Variants in DDR2 observed in about 807,000 individuals in gnomAD.
The protein encoded by DDR2 is discoidin domain-containing receptor 2.
A neutral mutation model predicts 94.9 loss-of-function variants in DDR2; 27 were observed. The observed-to-expected ratio is 0.28, with a 90% CI of 0.21 to 0.39. DDR2 has a LOEUF of 0.39. Among genes scored for constraint, DDR2 ranks in the 10% least tolerant of loss-of-function variants. The pLI is 1.00. For synonymous variants in DDR2, 382 were observed against 377.2 expected (o/e 1.01, Z -0.15); for missense variants, 783 against 1,076.0 (o/e 0.73, Z 3.81).
chr1:162,713,542 C>G (rs1661021880), intron 2 of DDR2, among the ~76,000 whole-genome samples: 1 of 152,118 alleles, frequency 6.6e-6, no homozygotes, highest in Non-Finnish European at 1.5e-5. Context: ...TCTTCCAGAT[C>G]TTATATATAT....
chr1:162,676,418 T>C (rs780601945), intron 2 of DDR2, among the ~76,000 whole-genome samples: 10 of 152,212 alleles, frequency 6.6e-5, no homozygotes, highest in Non-Finnish European at 1.0e-4. Context: ...CTTTACCCCC[T>C]GCTAGGCTGT....
Position 162,776,188 on chromosome 1 carries a change from C to A in DDR2, c.2101C>A (p.Leu701Ile), listed in dbSNP as rs2102198587. The A allele has an allele frequency of 6.2e-7, 1 of 1,613,942 alleles. No homozygotes were observed. Among genetic ancestry groups the A allele is most frequent in the Non-Finnish European group, 8.5e-7 (1 of 1,179,930 alleles). ...ATQIASGMKY[L>I]SSLNFVHRDL... is the part of the protein sequence containing the mutation. ...CCAAATTGCCTCTGGCATGAAGTAC[C>A]TTTCCTCTCTTAATTTTGTTCACCG... Residue 701 changes from leucine to isoleucine, a missense_variant, in exon 16 of 18, where the codon CTT becomes ATT. By Grantham distance (5) the Leu-to-Ile change is conservative (BLOSUM62 2). Transcript: ENST00000367921.
chr1:162,778,534 G>A (rs148160620), intron 16 of DDR2, 46 bp from the exon 17 acceptor site: 1 of 1,611,908 alleles, frequency 6.2e-7, no homozygotes, highest in South Asian at 1.1e-5. Context: ...GGGTGTTGTT[G>A]TGCACAGGTT....
intron 2 of DDR2, among the ~76,000 whole-genome samples, chr1:162,695,428 A>C (rs1485792956): frequency 6.6e-6 from 1 of 152,064 alleles, no homozygotes; most frequent in Non-Finnish European, 1.5e-5. Flanking sequence ...ATGGGGTTTC[A>C]CCATGTTGGC....
At chr1:162,648,962 T>C (rs1323306015) in intron 1 of DDR2, among the ~76,000 whole-genome samples, 1 of 152,142 alleles carries the variant, frequency 6.6e-6, no homozygotes, top group East Asian at 1.9e-4. Flanking sequence ...AGACTAGGAC[T>C]ACTTGTTGCT....
chr1:162,696,343 A>T (rs1660190406), intron 2 of DDR2, among the ~76,000 whole-genome samples: 1 of 151,970 alleles, frequency 6.6e-6, no homozygotes, highest in Non-Finnish European at 1.5e-5. Context: ...TTTCTGAGGG[A>T]ATTGTGACCC....
intron 2 of DDR2, among the ~76,000 whole-genome samples, chr1:162,686,871 C>A (rs562984285): frequency 2.1e-4 from 32 of 152,350 alleles, no homozygotes; most frequent in African/African-American, 7.0e-4. Context: ...AGCCACCACG[C>A]CTGGCCTATC....
rs1226774985 is a variant in DDR2 at position 162,767,217 on chromosome 1, C to T, written c.1163-12C>T. On this transcript the variant is annotated splice_polypyrimidine_tract_variant and intron_variant, in intron 10 of 17. Transcript: ENST00000367921. ...GATGATTGTATTCTCTGCCTTCTCT[C>T]CCTGGTCACAGATCCAATGCTTAAA... 1.2e-6 allele frequency: 2 copies of T among 1,614,058 alleles called. No individual in the cohort carries two copies. The highest frequency in any genetic ancestry group is 2.2e-5 in the East Asian group (1 of 44,878).
chr1:162,764,999 T>C (rs1416402905), intron 9 of DDR2, among the ~76,000 whole-genome samples: 1 of 152,188 alleles, frequency 6.6e-6, no homozygotes. Flanking sequence ...TCTGTGCTAA[T>C]GATTTAATCT....
intron 8 of DDR2, among the ~76,000 whole-genome samples, chr1:162,760,406 A>G (rs1449667236): frequency 2.0e-5 from 3 of 149,858 alleles, no homozygotes; most frequent in African/African-American, 7.3e-5. Flanking sequence ...ATATATATAT[A>G]CACAATGATA....
At chr1:162,725,697 T>C (rs975767532) in intron 3 of DDR2, among the ~76,000 whole-genome samples, 1 of 152,210 alleles carries the variant, frequency 6.6e-6, no homozygotes, top group Non-Finnish European at 1.5e-5. Flanking sequence ...CTACTGCCTT[T>C]GGAGTGTGAG....
intron 2 of DDR2, among the ~76,000 whole-genome samples, chr1:162,686,867 C>A (rs1659714479): frequency 6.6e-6 from 1 of 152,218 alleles, no homozygotes; most frequent in Non-Finnish European, 1.5e-5. Context: ...CATGAGCCAC[C>A]ACGCCTGGCC....
intron 1 of DDR2, among the ~76,000 whole-genome samples, chr1:162,652,714 A>G (rs77170455): frequency 9.2e-5 from 14 of 152,354 alleles, no homozygotes; most frequent in African/African-American, 3.4e-4. Flanking sequence ...TCACATAAGT[A>G]TCATCTCTAT....
At chr1:162,751,009 A>G (rs1396897625) in intron 3 of DDR2, among the ~76,000 whole-genome samples, 1 of 152,270 alleles carries the variant, frequency 6.6e-6, no homozygotes, top group Non-Finnish European at 1.5e-5. Flanking sequence ...GATGGATCAA[A>G]GACTTAAATG....
In DDR2 at chr1:162,644,838, T is replaced by G. The variant is rs1406323813; in HGVS notation, c.-191-10373T>G. On this transcript the variant is annotated intron_variant, in intron 1 of 17. Coordinates refer to ENST00000367921, the MANE Select transcript of DDR2 (RefSeq NM_006182.4). ...CTCGAACTCCTGACCTCAGGTTATC[T>G]GCCCACCTCAGCCTCCCAAAGTGCT... 1.5e-4 allele frequency among the ~76,000 whole-genome samples: 23 copies of G among 152,102 alleles called. 1 individual carries two copies. Among genetic ancestry groups the G allele is most frequent in the Admixed American group, 1.5e-3 (23 of 15,274 alleles).
intron 2 of DDR2, among the ~76,000 whole-genome samples, chr1:162,688,852 T>G (rs1055751643): frequency 6.6e-6 from 1 of 152,180 alleles, no homozygotes; most frequent in Non-Finnish European, 1.5e-5. Flanking sequence ...CCTTGGCACC[T>G]GCCAGTCACA....
At chr1:162,697,381 C>T (rs950401610) in intron 2 of DDR2, among the ~76,000 whole-genome samples, 8 of 152,314 alleles carry the variant, frequency 5.3e-5, no homozygotes, top group African/African-American at 1.7e-4. Flanking sequence ...CAAAGTCTCA[C>T]ATAGTCATTT....
chr1:162,700,848 T>A lies in DDR2; in HGVS notation c.-27-18189T>A, dbSNP rs182911065. Among the ~76,000 whole-genome samples the A allele has an allele frequency of 1.6e-4, 24 of 152,288 alleles. No homozygotes were observed. The East Asian group carries it at 4.2e-3, about 27-fold the overall frequency. On this transcript the variant is annotated intron_variant, in intron 2 of 17. Coordinates refer to ENST00000367921, the MANE Select transcript of DDR2 (RefSeq NM_006182.4). ...ATAGTTCATGTCTTAAAACCGCTTA[T>A]AGCTACTGGTTGAGACAGAAAAGGA...
chr1:162,742,552 T>C (rs190897976), intron 3 of DDR2, among the ~76,000 whole-genome samples: 1 of 152,352 alleles, frequency 6.6e-6, no homozygotes. Flanking sequence ...ACCAAGGGCA[T>C]GGCCCAAGCC....
Sources: gnomAD v4.1 joint callset for allele counts (sites outside exome capture counted in the v4.1 genomes callset) on GRCh38, gnomAD v4.1.1 for gene constraint, MANE v1.5 for transcripts, NCBI Gene and HGNC (gene_info 2026-07-23, HGNC 2026-07-21) for gene names.